Variants in HPCAL1 observed in about 807,000 individuals in gnomAD.
HPCAL1 encodes hippocalcin-like protein 1.
HPCAL1 carries 8 observed loss-of-function variants against 17.1 expected under a neutral mutation model. The ratio of observed to expected loss-of-function variants is 0.47; its 90% CI spans 0.27 to 0.84. The LOEUF (loss-of-function observed/expected upper bound fraction) is 0.84. HPCAL1 is among the 40% of genes least tolerant of loss of function. The probability of loss-of-function intolerance (pLI) is 0.13; values close to 1 mark genes in which losing one functional copy is unlikely to be tolerated. For missense variants in HPCAL1, 165 were observed against 271.1 expected, an observed-to-expected ratio of 0.61 and a Z score of 2.75; for synonymous variants, 112 against 111.4, an observed-to-expected ratio of 1.01 and a Z score of -0.03.
chr2:10,385,903 G>C (rs1668280537), intron 1 of HPCAL1, among the ~76,000 whole-genome samples: 1 of 151,750 alleles, frequency 6.6e-6, no homozygotes, highest in South Asian at 2.1e-4. Context: ...GTGTCGGGGG[G>C]TGTCCGGAGC....
intron 1 of HPCAL1, among the ~76,000 whole-genome samples, chr2:10,339,365 G>A (rs1035548038): frequency 6.6e-6 from 1 of 151,738 alleles, no homozygotes; most frequent in Non-Finnish European, 1.5e-5. Context: ...GAGTGCAGTG[G>A]TGCGATCTCG....
chr2:10,360,038 A>C (rs1285183212), intron 1 of HPCAL1, among the ~76,000 whole-genome samples: 1 of 152,142 alleles, frequency 6.6e-6, no homozygotes, highest in Non-Finnish European at 1.5e-5. Flanking sequence ...GGGACCCAGC[A>C]CGGGCTCCTG....
intron 1 of HPCAL1, among the ~76,000 whole-genome samples, chr2:10,361,648 A>G (rs1666533155): frequency 1.3e-5 from 2 of 152,176 alleles, no homozygotes. Flanking sequence ...TGATAATCAC[A>G]TAAATAACGT....
chr2:10,336,369 T>A (rs1377392959), intron 1 of HPCAL1, among the ~76,000 whole-genome samples: 2 of 152,388 alleles, frequency 1.3e-5, no homozygotes, highest in African/African-American at 2.4e-5. Flanking sequence ...TATACTCTGC[T>A]TTTTTCAGTT....
At chr2:10,355,041 G>C (rs1666055908) in intron 1 of HPCAL1, among the ~76,000 whole-genome samples, 1 of 152,192 alleles carries the variant, frequency 6.6e-6, no homozygotes, top group Non-Finnish European at 1.5e-5. Flanking sequence ...GAAGCAAAGT[G>C]GGCATGTGTA....
intron 1 of HPCAL1, among the ~76,000 whole-genome samples, chr2:10,341,599 A>G (rs1016985558): frequency 6.6e-6 from 1 of 152,094 alleles, no homozygotes; most frequent in African/African-American, 2.4e-5. Context: ...TCCCCTCAAC[A>G]CAAGAAAGCT....
intron 1 of HPCAL1, among the ~76,000 whole-genome samples, chr2:10,383,326 C>T (rs1237292911): frequency 6.7e-6 from 1 of 150,362 alleles, no homozygotes; most frequent in Non-Finnish European, 1.5e-5. Flanking sequence ...GAGCCAAGAT[C>T]GCGCCACTGT....
chr2:10,410,633 CT>C (rs1206321705), intron 2 of HPCAL1, among the ~76,000 whole-genome samples: 2 of 151,944 alleles, frequency 1.3e-5, no homozygotes, highest in South Asian at 2.1e-4. Context: ...GAATATGAAT[CT>C]TTTTAAGCCG....
chr2:10,361,694 T>G (rs1040756053), intron 1 of HPCAL1, among the ~76,000 whole-genome samples: 1 of 152,128 alleles, frequency 6.6e-6, no homozygotes, highest in Middle Eastern at 3.2e-3. Flanking sequence ...GATGCTTTCA[T>G]GTACATTAGC....
chr2:10,419,674 A>T lies in HPCAL1; in HGVS notation c.-24-60A>T. The T allele has an allele frequency of 6.6e-7, 1 of 1,507,328 alleles. No individual in the cohort carries two copies. The highest frequency in any genetic ancestry group is 2.1e-5 in the Admixed American group (1 of 47,940). 93.4% of individuals were successfully genotyped at this position (1,507,328 alleles called of 1,614,324 possible). On this transcript the variant is annotated intron_variant, in intron 2 of 4. Transcript: ENST00000307845. The surrounding 1 kb of genome is among the most constrained non-coding windows in gnomAD (Gnocchi z 5.0). The stretch of plus-strand genomic sequence containing the variant: ...TGGGCTTATTTGGTCTCTCCGGCAC[A>T]TGGCTCAGCCCTGCTCCGTGGCCGT...
Position 10,363,464 on chromosome 2 carries a change from A to G in HPCAL1, c.-110-33371A>G, listed in dbSNP as rs900673582. ...CTTGGCTGTTTGTAGGAGCTTCCAG[A>G]AGCGACCTTTCGGGATGCCTCTTAC... is the stretch of plus-strand genomic sequence containing the variant. On this transcript the variant is annotated intron_variant, in intron 1 of 4. Transcript: ENST00000307845. This position sits in a 1 kb window ranked among gnomAD's most constrained non-coding sequence, Gnocchi z 4.7. Among the ~76,000 whole-genome samples, 3 of 152,158 alleles carry G rather than the reference A, an allele frequency of 2.0e-5. No individual in the cohort carries two copies. Among genetic ancestry groups the G allele is most frequent in the Admixed American group, 2.0e-4 (3 of 15,282 alleles).
intron 1 of HPCAL1, among the ~76,000 whole-genome samples, chr2:10,325,549 GCT>G (rs59582372): frequency 0.67 from 101,811 of 152,066 alleles, 34,369 homozygotes; most frequent in East Asian, 0.91. Context: ...GCAGAGGCCT[GCT>G]CAGAGCAGGT....
At position 10,384,470 on chromosome 2, in the gene HPCAL1, A is replaced by G. The variant is rs774160902; in HGVS notation, c.-110-12365A>G. On this transcript the variant is annotated intron_variant, in intron 1 of 4. Transcript: ENST00000307845. The surrounding 1 kb of genome is among the most constrained non-coding windows in gnomAD (Gnocchi z 4.4). ...TCACTACTGCCCTCCACAAACTGCC[A>G]TGCTTGCTTGGTGCACGGTGCTGTG... Among the ~76,000 whole-genome samples, 2 of 152,084 alleles carry G rather than the reference A, an allele frequency of 1.3e-5. No individual in the cohort carries two copies. The highest frequency in any genetic ancestry group is 2.4e-5 in the African/African-American group (1 of 41,436).
chr2:10,402,265 A>G (rs373084659), intron 2 of HPCAL1, among the ~76,000 whole-genome samples: 2 of 152,306 alleles, frequency 1.3e-5, no homozygotes, highest in East Asian at 3.9e-4. Flanking sequence ...ACCAGACTGG[A>G]AGCGCTCTGA....
intron 1 of HPCAL1, among the ~76,000 whole-genome samples, chr2:10,370,185 G>C (rs749215352): frequency 1.3e-5 from 2 of 152,230 alleles, no homozygotes; most frequent in African/African-American, 2.4e-5. Flanking sequence ...CCCTTCAGTA[G>C]TGGCTCCCTT....
chr2:10,383,856 C>T (rs1668129251), intron 1 of HPCAL1, among the ~76,000 whole-genome samples: 2 of 151,964 alleles, frequency 1.3e-5, no homozygotes, highest in South Asian at 4.2e-4. Flanking sequence ...GTATCCTTGG[C>T]CCTACCCATA....
At chr2:10,318,380 C>A (rs1170767416) in intron 1 of HPCAL1, among the ~76,000 whole-genome samples, 1 of 150,018 alleles carries the variant, frequency 6.7e-6, no homozygotes, top group Non-Finnish European at 1.5e-5. Context: ...AAAAAGGCGG[C>A]CACTCTTTCT....
At chr2:10,334,046 C>T (rs1664550737) in intron 1 of HPCAL1, among the ~76,000 whole-genome samples, 1 of 152,214 alleles carries the variant, frequency 6.6e-6, no homozygotes, top group Non-Finnish European at 1.5e-5. Context: ...GCCCATCTCT[C>T]CTCTTCTCTA....
At chr2:10,385,493 G>T (rs1358398039) in intron 1 of HPCAL1, among the ~76,000 whole-genome samples, 2 of 152,172 alleles carry the variant, frequency 1.3e-5, no homozygotes, top group East Asian at 3.9e-4. Context: ...GACACTTGCT[G>T]CTTCTCTCGG....
Sources: allele counts gnomAD v4.1 joint callset (sites outside exome capture counted in the v4.1 genomes callset), GRCh38; gene constraint gnomAD v4.1.1; non-coding constraint Gnocchi (gnomAD v3.1); transcripts MANE v1.5; gene names NCBI Gene and HGNC (gene_info 2026-07-23, HGNC 2026-07-21).